The following SPOCK3 variants were observed in gnomAD, a reference collection of about 807,000 sequenced individuals.
The protein encoded by SPOCK3 is SPARC (osteonectin), cwcv and kazal like domains proteoglycan 3.
Under a neutral mutation model 56.6 loss-of-function variants are expected in SPOCK3, and 30 were observed. The ratio of observed to expected loss-of-function variants is 0.53; its 90% CI spans 0.40 to 0.72. The LOEUF (loss-of-function observed/expected upper bound fraction) is 0.72. Among genes scored for constraint, SPOCK3 ranks in the 30% least tolerant of loss-of-function variants. SPOCK3 has a pLI of 0.00. For synonymous variants in SPOCK3, 196 were observed against 183.3 expected, an observed-to-expected ratio of 1.07 and a Z score of -0.56; for missense variants, 527 against 530.0, an observed-to-expected ratio of 0.99 and a Z score of 0.06.
At chr4:166,823,201 A>C (rs1245869347) in intron 6 of SPOCK3, among the ~76,000 whole-genome samples, 2 of 152,020 alleles carry the variant, frequency 1.3e-5, no homozygotes, top group African/African-American at 4.8e-5. Context: ...TCACCAACGG[A>C]ATGTGAGTCA....
chr4:166,825,337 A>C (rs1447289200), intron 6 of SPOCK3, among the ~76,000 whole-genome samples: 1 of 151,980 alleles, frequency 6.6e-6, no homozygotes, highest in East Asian at 1.9e-4. Flanking sequence ...TTGTATAGTT[A>C]AGTTATTTTA....
chr4:167,170,251 T>C (rs1404220988), intron 2 of SPOCK3, among the ~76,000 whole-genome samples: 6 of 152,180 alleles, frequency 3.9e-5, no homozygotes, highest in Non-Finnish European at 5.9e-5. Context: ...ATTTGTTCTA[T>C]ATAAAATGCT....
intron 4 of SPOCK3, among the ~76,000 whole-genome samples, chr4:166,920,081 G>A (rs1738320808): frequency 1.3e-5 from 2 of 152,106 alleles, no homozygotes. Flanking sequence ...TAATTATCAA[G>A]TCTCTGGTGC....
rs982372725 is a variant in SPOCK3, at chr4:166,805,663, G to A, written c.590-13374C>T. 3.3e-5 allele frequency among the ~76,000 whole-genome samples: 5 copies of A among 152,126 alleles called. No individual in the cohort carries two copies. In the East Asian group the frequency reaches 7.8e-4, roughly 24 times the overall value. On this transcript the variant is annotated intron_variant, in intron 6 of 10. Coordinates refer to ENST00000357545, the MANE Select transcript of SPOCK3 (RefSeq NM_001040159.2). ...TACTTCTGCATAATATTGATAGAAG[G>A]CATGCCTGCTATTACAATCAATTCT...
intron 2 of SPOCK3, among the ~76,000 whole-genome samples, chr4:167,105,697 T>C (rs1305972292): frequency 6.6e-6 from 1 of 151,456 alleles, no homozygotes; most frequent in African/African-American, 2.4e-5. Context: ...AATGGCTGAA[T>C]GGATTAAAAA....
intron 2 of SPOCK3, among the ~76,000 whole-genome samples, chr4:167,116,833 ATATATATACTTTTATATATATACT>A (rs1761449503): frequency 7.1e-6 from 1 of 141,500 alleles, no homozygotes; most frequent in Non-Finnish European, 1.5e-5. Context: ...ATATAAAAGT[ATATATATACTTTTATATATATACT>A]TTTGTATATA....
intron 2 of SPOCK3, among the ~76,000 whole-genome samples, chr4:167,073,060 G>A (rs1302177047): frequency 6.6e-6 from 1 of 151,556 alleles, no homozygotes; most frequent in South Asian, 2.1e-4. Flanking sequence ...AAAAATTTAT[G>A]TTTCCATATG....
intron 6 of SPOCK3, among the ~76,000 whole-genome samples, chr4:166,820,303 T>A (rs1241177996): frequency 6.6e-6 from 1 of 152,030 alleles, no homozygotes; most frequent in Non-Finnish European, 1.5e-5. Context: ...TTGTACTTCA[T>A]AAATAGATAA....
At chr4:167,090,565 G>A (rs370646825) in intron 2 of SPOCK3, among the ~76,000 whole-genome samples, 3 of 151,736 alleles carry the variant, frequency 2.0e-5, no homozygotes, top group East Asian at 1.9e-4. Context: ...TTGCAATGGC[G>A]AGATCTCGGC....
intron 6 of SPOCK3, among the ~76,000 whole-genome samples, chr4:166,836,824 C>T (rs1047120846): frequency 5.3e-5 from 8 of 152,154 alleles, no homozygotes; most frequent in African/African-American, 1.7e-4. Flanking sequence ...TATCTGACTA[C>T]CATCTGTATC....
intron 6 of SPOCK3, among the ~76,000 whole-genome samples, chr4:166,845,596 T>C (rs1747977832): frequency 6.6e-6 from 1 of 152,202 alleles, no homozygotes; most frequent in Admixed American, 6.5e-5. Flanking sequence ...AAACCAACTT[T>C]ACCAGAGGGT....
chr4:166,797,888 T>C (rs2126676908), intron 6 of SPOCK3, among the ~76,000 whole-genome samples: 1 of 152,322 alleles, frequency 6.6e-6, no homozygotes, highest in East Asian at 1.9e-4. Flanking sequence ...ATGATAATTT[T>C]TTAGGTCATT....
chr4:167,112,742 G>C (rs566130516), intron 2 of SPOCK3, among the ~76,000 whole-genome samples: 1 of 152,052 alleles, frequency 6.6e-6, no homozygotes, highest in South Asian at 2.1e-4. Context: ...AATTGCCTTA[G>C]AATGAAAACA....
intron 5 of SPOCK3, among the ~76,000 whole-genome samples, chr4:166,893,507 T>G (rs778288825): frequency 6.6e-6 from 1 of 152,138 alleles, no homozygotes; most frequent in Non-Finnish European, 1.5e-5. Flanking sequence ...GATGTATTAT[T>G]CTTTTGATCA....
At chr4:167,198,701 TC>T (rs1315462014) in intron 2 of SPOCK3, among the ~76,000 whole-genome samples, 1 of 152,166 alleles carries the variant, frequency 6.6e-6, no homozygotes, top group Non-Finnish European at 1.5e-5. Flanking sequence ...TCCTACCTCA[TC>T]TCTTTGCCCA....
At chr4:167,038,752 C>T (rs999479274) in intron 3 of SPOCK3, among the ~76,000 whole-genome samples, 2 of 150,638 alleles carry the variant, frequency 1.3e-5, no homozygotes, top group Admixed American at 1.3e-4. Context: ...AATACATACA[C>T]TCTATATAAA....
chr4:167,213,003 C>A (rs1435494935), intron 2 of SPOCK3, among the ~76,000 whole-genome samples: 1 of 152,172 alleles, frequency 6.6e-6, no homozygotes, highest in East Asian at 1.9e-4. Flanking sequence ...GGCCACTACC[C>A]CGTCTGTAGT....
At chr4:167,025,805 A>AG (rs1227931516) in intron 3 of SPOCK3, among the ~76,000 whole-genome samples, 2 of 152,108 alleles carry the variant, frequency 1.3e-5, no homozygotes, top group Non-Finnish European at 2.9e-5. Flanking sequence ...ATTTCCTCTG[A>AG]GGAATGCATT....
intron 4 of SPOCK3, among the ~76,000 whole-genome samples, chr4:166,921,361 A>G (rs1424249983): frequency 7.2e-6 from 1 of 139,816 alleles, no homozygotes; most frequent in African/African-American, 2.7e-5. Flanking sequence ...GTCTTACACT[A>G]TTGCCAGGCT....
Sources: allele counts gnomAD v4.1 joint callset (sites outside exome capture counted in the v4.1 genomes callset), GRCh38; gene constraint gnomAD v4.1.1; transcripts MANE v1.5; gene names NCBI Gene and HGNC (gene_info 2026-07-23, HGNC 2026-07-21).